NFXL1: variants seen among roughly 807,000 people sequenced by gnomAD.
The protein encoded by NFXL1 is nuclear transcription factor, X-box binding like 1, also known as NF-X1-type zinc finger protein NFXL1.
A neutral mutation model predicts 123.3 loss-of-function variants in NFXL1; 66 were observed. That is an observed-to-expected ratio of 0.54 (90% CI 0.44 to 0.66). The LOEUF is 0.66. NFXL1 is among the 30% of genes least tolerant of loss of function. The probability of loss-of-function intolerance (pLI) is 0.00; values close to 1 mark genes in which losing one functional copy is unlikely to be tolerated. For missense variants in NFXL1, 944 were observed against 1,125.6 expected (o/e 0.84, Z 2.31); for synonymous variants, 346 against 360.8 (o/e 0.96, Z 0.46).
At chr4:47,901,172 T>C (rs1197842734) in intron 5 of NFXL1, among the ~76,000 whole-genome samples, 1 of 152,222 alleles carries the variant, frequency 6.6e-6, no homozygotes, top group East Asian at 1.9e-4. Context: ...AGCAGTATCT[T>C]AGTAGAAACC....
Position 47,899,138 on chromosome 4 carries a change from CAAAAAAAAA to C in NFXL1, c.827-27_827-19del, listed in dbSNP as rs3057881. The C allele has an allele frequency of 4.5e-5, 54 of 1,212,078 alleles. No individual in the cohort carries two copies. The highest frequency in any genetic ancestry group is 3.6e-4 in the South Asian group (20 of 55,044). 75.1% of individuals were successfully genotyped at this position (1,212,078 alleles called of 1,614,324 possible). ...GCAGGGACCTAGAATTCAGTAAAAG[CAAAAAAAAA>C]AAAAAAAAAAAAATCTAAAGTCAGA... On this transcript the variant is annotated intron_variant, in intron 6 of 22. Coordinates refer to ENST00000507489, the MANE Select transcript of NFXL1 (RefSeq NM_001278624.2).
At chr4:47,903,160 A>G (rs754179685) in intron 5 of NFXL1, 33 bp downstream of exon 5, 1 of 1,494,818 alleles carries the variant, frequency 6.7e-7, no homozygotes, top group Non-Finnish European at 9.0e-7. Context: ...TCTGAAAATA[A>G]TAATAATAAT....
At chr4:47,885,106 C>A (rs1736346209) in intron 14 of NFXL1, among the ~76,000 whole-genome samples, 4 of 146,744 alleles carry the variant, frequency 2.7e-5, no homozygotes, top group African/African-American at 1.0e-4. Flanking sequence ...GCCTGGGCAA[C>A]AGAGTGAGAC....
At chr4:47,914,254 G>A (rs1420576432) in intron 1 of NFXL1, 49 bp from the exon 2 acceptor site, 1 of 1,365,876 alleles carries the variant, frequency 7.3e-7, no homozygotes, top group Non-Finnish European at 9.7e-7. Context: ...TGAGCGCAGC[G>A]AGGACCGAGG....
At chr4:47,910,186 A>T (rs1458683620) in intron 3 of NFXL1, among the ~76,000 whole-genome samples, 7 of 152,022 alleles carry the variant, frequency 4.6e-5, no homozygotes, top group Non-Finnish European at 7.4e-5. Context: ...TAGGTTTTTT[A>T]AAAAAAGTAC....
intron 21 of NFXL1, among the ~76,000 whole-genome samples, chr4:47,851,542 T>C (rs916917077): frequency 6.6e-6 from 1 of 152,104 alleles, no homozygotes; most frequent in African/African-American, 2.4e-5. Context: ...TGTGCTATCA[T>C]GGAAGGGAAT....
chr4:47,899,173 A>G (rs1170670563), intron 6 of NFXL1, 53 bp from the exon 7 acceptor site: 8 of 1,490,708 alleles, frequency 5.4e-6, no homozygotes, highest in Non-Finnish European at 7.2e-6. Flanking sequence ...TAAAGTCAGA[A>G]ACTAAAACTT....
In NFXL1 at chr4:47,851,886, C is replaced by A; in HGVS notation, c.2478G>T (p.Thr826=). 1 of 1,610,316 alleles carries A rather than the reference C, an allele frequency of 6.2e-7. No individual in the cohort carries two copies. Among genetic ancestry groups the A allele is most frequent in the Non-Finnish European group, 8.5e-7 (1 of 1,176,924 alleles). The stretch of plus-strand genomic sequence containing the variant: ...ATGCTTTCCGCTTCATTTCCTTGCA[C>A]GTTGTGTCACATTCTATTGAAACCT... The part of the protein sequence containing the change: ...ENQVSIECDT[T]CKEMKRKASE... Residue 826 remains threonine (T), a synonymous_variant, in exon 21 of 23, where the codon ACG becomes ACT. Transcript: ENST00000507489.
intron 12 of NFXL1, among the ~76,000 whole-genome samples, chr4:47,887,001 G>A (rs1736474368): frequency 6.6e-6 from 1 of 151,974 alleles, no homozygotes; most frequent in South Asian, 2.1e-4. Context: ...ACCATTTTAG[G>A]ATATAATCCC....
intron 17 of NFXL1, among the ~76,000 whole-genome samples, chr4:47,876,038 G>A (rs1427873148): frequency 2.0e-5 from 3 of 151,836 alleles, no homozygotes; most frequent in Admixed American, 6.6e-5. Context: ...AAATCTTAAA[G>A]GTCAAACATT....
intron 18 of NFXL1, among the ~76,000 whole-genome samples, chr4:47,873,766 T>C (rs1000436478): frequency 1.3e-5 from 2 of 152,214 alleles, no homozygotes; most frequent in Non-Finnish European, 2.9e-5. Context: ...TGCCTGTCCT[T>C]TGACACTTTA....
At chr4:47,906,124 G>C (rs1339681381) in intron 3 of NFXL1, among the ~76,000 whole-genome samples, 1 of 152,038 alleles carries the variant, frequency 6.6e-6, no homozygotes, top group Non-Finnish European at 1.5e-5. Flanking sequence ...CTGCAGGAAG[G>C]TCCAACAAAT....
intron 10 of NFXL1, among the ~76,000 whole-genome samples, chr4:47,896,129 T>G (rs1027502065): frequency 6.6e-6 from 1 of 152,098 alleles, no homozygotes; most frequent in African/African-American, 2.4e-5. Context: ...ACAATCACAA[T>G]AGTAACATCA....
At chr4:47,909,114 C>T (rs1173510996) in intron 3 of NFXL1, among the ~76,000 whole-genome samples, 3 of 152,108 alleles carry the variant, frequency 2.0e-5, no homozygotes, top group Non-Finnish European at 4.4e-5. Context: ...ACAGTACTTA[C>T]ACATACTGAT....
At chr4:47,906,396 G>A (rs1032261726) in intron 3 of NFXL1, among the ~76,000 whole-genome samples, 1 of 152,066 alleles carries the variant, frequency 6.6e-6, no homozygotes, top group African/African-American at 2.4e-5. Context: ...AAATAAATAG[G>A]ACATGTGGCT....
At chr4:47,861,422 A>G (rs1474058765) in intron 19 of NFXL1, among the ~76,000 whole-genome samples, 2 of 152,158 alleles carry the variant, frequency 1.3e-5, no homozygotes, top group African/African-American at 4.8e-5. Flanking sequence ...TAGAATCCAC[A>G]ATCATGAAAA....
intron 11 of NFXL1, among the ~76,000 whole-genome samples, chr4:47,893,442 T>A (rs1736899026): frequency 6.6e-6 from 1 of 151,896 alleles, no homozygotes; most frequent in African/African-American, 2.4e-5. Flanking sequence ...AAGATCTTAA[T>A]AACCAGACAG....
chr4:47,878,639 T>C lies in NFXL1; in HGVS notation c.1965A>G (p.Val655=), dbSNP rs1239305866. ...AAACTCTTTTACAAGAGTAGGGTCC[T>C]ACAGCATGGCATGGTAGTGGACTCA... ...HEVSPLPCHA[V]GPYSCKRVCG... is the part of the protein sequence containing the mutation. Residue 655 remains valine, a synonymous_variant, in exon 17 of 23, where the codon GTA becomes GTG. Coordinates refer to ENST00000507489, the MANE Select transcript of NFXL1 (RefSeq NM_001278624.2). The C allele has an allele frequency of 1.3e-6, 2 of 1,597,776 alleles. No homozygotes were observed. The highest frequency in any genetic ancestry group is 1.7e-5 in the Admixed American group (1 of 57,156).
chr4:47,859,841 C>CAAAAAAAAAAAAAAAAAAAAAAAA (rs938207203), intron 19 of NFXL1, among the ~76,000 whole-genome samples: 1 of 14,314 alleles, frequency 7.0e-5, no homozygotes, highest in African/African-American at 2.5e-4. Context: ...GACTCCATCT[C>CAAAAAAAAAAAAAAAAAAAAAAAA]AAAAAAAAAA....
Sources: gnomAD v4.1 joint callset for allele counts (sites outside exome capture counted in the v4.1 genomes callset) on GRCh38, gnomAD v4.1.1 for gene constraint, MANE v1.5 for transcripts, NCBI Gene and HGNC (gene_info 2026-07-23, HGNC 2026-07-21) for gene names.